The following LHFPL3 variants were observed in gnomAD, a reference collection of about 807,000 sequenced individuals.
LHFPL3 encodes LHFPL tetraspan subfamily member 3 protein.
In LHFPL3, 5 loss-of-function variants were observed where a neutral mutation model predicts 19.3. That is an observed-to-expected ratio of 0.26 (90% CI 0.14 to 0.54). The LOEUF is 0.54. Among genes scored for constraint, LHFPL3 ranks in the 20% least tolerant of loss-of-function variants. The pLI, the probability that LHFPL3 is intolerant of heterozygous loss-of-function variation, is 0.94. For missense variants in LHFPL3, 249 were observed against 307.4 expected, an observed-to-expected ratio of 0.81 and a Z score of 1.42; for synonymous variants, 133 against 126.2, an observed-to-expected ratio of 1.05 and a Z score of -0.36.
chr7:104,742,707 A>G (rs1166145446), intron 2 of LHFPL3, among the ~76,000 whole-genome samples: 9 of 152,222 alleles, frequency 5.9e-5, no homozygotes, highest in Admixed American at 5.9e-4. Context: ...CTTTCTAGCT[A>G]TAATATATTT....
At chr7:104,571,100 T>G (rs1790222521) in intron 1 of LHFPL3, among the ~76,000 whole-genome samples, 1 of 152,194 alleles carries the variant, frequency 6.6e-6, no homozygotes, top group Non-Finnish European at 1.5e-5. Flanking sequence ...TATTTCACAT[T>G]CAGCTTAAAT....
chr7:104,460,372 G>A (rs572593840), intron 1 of LHFPL3, among the ~76,000 whole-genome samples: 1 of 152,310 alleles, frequency 6.6e-6, no homozygotes, highest in East Asian at 1.9e-4. Flanking sequence ...ATTCAGTAAA[G>A]GGATTGCTGG....
At chr7:104,448,853 A>G (rs2116596646) in intron 1 of LHFPL3, among the ~76,000 whole-genome samples, 1 of 152,356 alleles carries the variant, frequency 6.6e-6, no homozygotes, top group Admixed American at 6.5e-5. Flanking sequence ...GATCATTTTA[A>G]TCTGTAATAA....
intron 1 of LHFPL3, among the ~76,000 whole-genome samples, chr7:104,643,085 T>G (rs1791866555): frequency 6.6e-6 from 1 of 152,232 alleles, no homozygotes; most frequent in Non-Finnish European, 1.5e-5. Flanking sequence ...GTTTCTACTT[T>G]GCAGAGGGGG....
chr7:104,687,347 G>T (rs960312548), intron 1 of LHFPL3, among the ~76,000 whole-genome samples: 18 of 152,238 alleles, frequency 1.2e-4, no homozygotes, highest in South Asian at 2.1e-4. Flanking sequence ...CTATCTGGAA[G>T]CTTTCAGAAC....
chr7:104,602,366 G>A (rs1455339308), intron 1 of LHFPL3, among the ~76,000 whole-genome samples: 2 of 152,088 alleles, frequency 1.3e-5, no homozygotes, highest in East Asian at 1.9e-4. Flanking sequence ...AAGGACCCAG[G>A]TTCTTTTCTT....
chr7:104,793,606 G>T lies in LHFPL3; in HGVS notation c.682+56695G>T, dbSNP rs532248198. On this transcript the variant is annotated intron_variant, in intron 2 of 2. Coordinates refer to ENST00000424859, the MANE Select transcript of LHFPL3 (RefSeq NM_199000.3). ...AACACTCACAGTCATTAGAGTGACC[G>T]AGCAGCAACCAGCTGGACCTGCACT... Among the ~76,000 whole-genome samples, 3 of 152,172 alleles carry T rather than the reference G, an allele frequency of 2.0e-5. No individual in the cohort carries two copies. The East Asian group carries it at 5.8e-4, about 29-fold the overall frequency.
intron 1 of LHFPL3, among the ~76,000 whole-genome samples, chr7:104,713,575 C>T (rs1358839326): frequency 6.6e-6 from 1 of 152,078 alleles, no homozygotes; most frequent in South Asian, 2.1e-4. Context: ...CACCATAATC[C>T]AATCACCTCC....
intron 1 of LHFPL3, among the ~76,000 whole-genome samples, chr7:104,492,068 C>G (rs1157506867): frequency 1.3e-5 from 2 of 152,158 alleles, no homozygotes; most frequent in African/African-American, 4.8e-5. Flanking sequence ...TCGAATGTTT[C>G]TTTCCTTTAG....
chr7:104,541,564 A>T (rs1316029892), intron 1 of LHFPL3, among the ~76,000 whole-genome samples: 1 of 152,186 alleles, frequency 6.6e-6, no homozygotes, highest in Non-Finnish European at 1.5e-5. Context: ...AAGCTGTGAA[A>T]TATGCTGCAG....
intron 1 of LHFPL3, among the ~76,000 whole-genome samples, chr7:104,575,638 A>ATTATTTAT (rs907292052): frequency 2.1e-5 from 3 of 141,272 alleles, no homozygotes; most frequent in Non-Finnish European, 3.1e-5. Context: ...TCTTTGCTTT[A>ATTATTTAT]TTATTTATTT....
intron 1 of LHFPL3, among the ~76,000 whole-genome samples, chr7:104,343,512 CA>C (rs536122769): frequency 6.3e-5 from 3 of 47,472 alleles, no homozygotes; most frequent in African/African-American, 1.5e-4. Flanking sequence ...GACTCTGTCT[CA>C]AAAAAAAAAA....
chr7:104,668,718 C>T (rs948209875), intron 1 of LHFPL3: 48 of 526,246 alleles, frequency 9.1e-5, no homozygotes, highest in Non-Finnish European at 1.1e-4. Flanking sequence ...TGATAGAGGT[C>T]CCCCCCCCCC....
Position 104,746,495 on chromosome 7 carries a change from T to G in LHFPL3, c.682+9584T>G, listed in dbSNP as rs189181511. 1.2e-3 allele frequency among the ~76,000 whole-genome samples: 183 copies of G among 152,148 alleles called. 1 individual carries two copies. Among genetic ancestry groups the G allele is most frequent in the African/African-American group, 4.3e-3 (179 of 41,500 alleles). On this transcript the variant is annotated intron_variant, in intron 2 of 2. Transcript: ENST00000424859. ...AAAGCCAAGGCGCAGAGAGAGGAAA[T>G]GAAATCTCACCAGTTTGTTTTATTA...
At chr7:104,809,478 C>T (rs187468183) in intron 2 of LHFPL3, among the ~76,000 whole-genome samples, 14 of 152,164 alleles carry the variant, frequency 9.2e-5, no homozygotes, top group African/African-American at 2.9e-4. Context: ...GGATACAGGA[C>T]AGATTTTCTA....
intron 2 of LHFPL3, among the ~76,000 whole-genome samples, chr7:104,854,105 C>A (rs1317534804): frequency 6.6e-6 from 1 of 152,102 alleles, no homozygotes; most frequent in Admixed American, 6.6e-5. Context: ...AGTTTAAGAA[C>A]ATAACTTCAC....
intron 2 of LHFPL3, among the ~76,000 whole-genome samples, chr7:104,809,368 G>A (rs776872822): frequency 3.3e-5 from 5 of 152,296 alleles, no homozygotes; most frequent in Admixed American, 6.5e-5. Context: ...TACATGTGCT[G>A]AAGTGAAAAG....
At chr7:104,331,561 GTTACAT>G (rs1801567801) in intron 1 of LHFPL3, among the ~76,000 whole-genome samples, 1 of 152,012 alleles carries the variant, frequency 6.6e-6, no homozygotes, top group Non-Finnish European at 1.5e-5. Context: ...TCTAAACAAT[GTTACAT>G]TTAACATGGT....
intron 2 of LHFPL3, among the ~76,000 whole-genome samples, chr7:104,779,536 T>C (rs1457458576): frequency 1.3e-5 from 2 of 152,160 alleles, no homozygotes; most frequent in Non-Finnish European, 2.9e-5. Flanking sequence ...AGTCTGTGGC[T>C]GGTGTGTTTC....
Sources: gnomAD v4.1 joint callset for allele counts (sites outside exome capture counted in the v4.1 genomes callset) on GRCh38, gnomAD v4.1.1 for gene constraint, MANE v1.5 for transcripts, NCBI Gene and HGNC (gene_info 2026-07-23, HGNC 2026-07-21) for gene names.